Variants in HS6ST3 observed in about 807,000 individuals in gnomAD.
The protein encoded by HS6ST3 is heparan-sulfate 6-O-sulfotransferase 3.
In HS6ST3, 12 loss-of-function variants were observed where a neutral mutation model predicts 36.7. That is an observed-to-expected ratio of 0.33 (90% CI 0.21 to 0.53). The LOEUF is 0.53. Among genes scored for constraint, HS6ST3 ranks in the 20% least tolerant of loss-of-function variants. HS6ST3 has a pLI of 0.95. For missense variants in HS6ST3, 584 were observed against 640.9 expected (o/e 0.91, Z 0.96); for synonymous variants, 240 against 257.5 (o/e 0.93, Z 0.65).
intron 1 of HS6ST3, among the ~76,000 whole-genome samples, chr13:96,558,022 A>G (rs2138953191): frequency 6.6e-6 from 1 of 152,314 alleles, no homozygotes; most frequent in Non-Finnish European, 1.5e-5. Context: ...CTGTCCAATT[A>G]TCATCAATAG....
chr13:96,220,990 A>G (rs2054452222), intron 1 of HS6ST3, among the ~76,000 whole-genome samples: 1 of 152,214 alleles, frequency 6.6e-6, no homozygotes, highest in African/African-American at 2.4e-5. Context: ...TTAAAAATTG[A>G]ACATCTTAAA....
chr13:96,742,314 A>G (rs1164294215), intron 1 of HS6ST3, among the ~76,000 whole-genome samples: 1 of 152,158 alleles, frequency 6.6e-6, no homozygotes, highest in Non-Finnish European at 1.5e-5. Context: ...ATTAGAAGTA[A>G]TTCCAAATAT....
At chr13:96,482,600 G>T (rs2055895148) in intron 1 of HS6ST3, among the ~76,000 whole-genome samples, 2 of 151,992 alleles carry the variant, frequency 1.3e-5, no homozygotes, top group Non-Finnish European at 2.9e-5. Flanking sequence ...CCTGGGCTGA[G>T]GCAGCTGAAT....
At chr13:96,125,877 C>T (rs1208922140) in intron 1 of HS6ST3, among the ~76,000 whole-genome samples, 1 of 151,516 alleles carries the variant, frequency 6.6e-6, no homozygotes, top group African/African-American at 2.4e-5. Flanking sequence ...TGTGCTGCAC[C>T]CATTAACTCG....
intron 1 of HS6ST3, among the ~76,000 whole-genome samples, chr13:96,345,380 A>G (rs542823620): frequency 1.3e-5 from 2 of 152,158 alleles, no homozygotes; most frequent in Non-Finnish European, 2.9e-5. Flanking sequence ...TAGTGACTGG[A>G]TTAATTTTTA....
chr13:96,607,250 C>T (rs2056442351), intron 1 of HS6ST3, among the ~76,000 whole-genome samples: 1 of 152,110 alleles, frequency 6.6e-6, no homozygotes, highest in Non-Finnish European at 1.5e-5. Context: ...TAGATAATTA[C>T]CACATCTTTC....
intron 1 of HS6ST3, among the ~76,000 whole-genome samples, chr13:96,459,679 A>C (rs2055773004): frequency 6.6e-6 from 1 of 152,164 alleles, no homozygotes; most frequent in Non-Finnish European, 1.5e-5. Context: ...TTCTTGGTAC[A>C]ATTGCATACA....
At chr13:96,516,307 C>G (rs2056072511) in intron 1 of HS6ST3, among the ~76,000 whole-genome samples, 1 of 152,076 alleles carries the variant, frequency 6.6e-6, no homozygotes, top group South Asian at 2.1e-4. Context: ...CTCAAGTGAT[C>G]TGCCCCCAAA....
At chr13:96,491,663 A>G (rs1441630257) in intron 1 of HS6ST3, among the ~76,000 whole-genome samples, 1 of 152,060 alleles carries the variant, frequency 6.6e-6, no homozygotes, top group African/African-American at 2.4e-5. Context: ...CCACCAGGCC[A>G]GTTCTGTTGA....
At chr13:96,641,928 C>T (rs943162039) in intron 1 of HS6ST3, among the ~76,000 whole-genome samples, 1 of 151,024 alleles carries the variant, frequency 6.6e-6, no homozygotes, top group Non-Finnish European at 1.5e-5. Flanking sequence ...TAGCAACAAA[C>T]AAAAAACATT....
intron 1 of HS6ST3, among the ~76,000 whole-genome samples, chr13:96,319,072 A>G (rs192988084): frequency 1.7e-4 from 26 of 152,286 alleles, no homozygotes; most frequent in Admixed American, 5.2e-4. Flanking sequence ...CATTTTCTTC[A>G]GCCAAAAAAG....
intron 1 of HS6ST3, among the ~76,000 whole-genome samples, chr13:96,367,159 A>C (rs536979087): frequency 6.6e-6 from 1 of 152,342 alleles, no homozygotes; most frequent in Admixed American, 6.5e-5. Flanking sequence ...TTTCTCTTGT[A>C]TAACGGAAGA....
At chr13:96,565,555 G>T (rs1280266160) in intron 1 of HS6ST3, among the ~76,000 whole-genome samples, 2 of 152,134 alleles carry the variant, frequency 1.3e-5, no homozygotes, top group African/African-American at 4.8e-5. Flanking sequence ...AAGGTGGCAT[G>T]GGAGAGATGG....
chr13:96,836,322 A>T lies in HS6ST3; in HGVS notation c.*3124A>T, dbSNP rs1418762523. 1 of 152,164 alleles carries T rather than the reference A, an allele frequency of 6.6e-6. No homozygotes were observed. The highest frequency in any genetic ancestry group is 1.5e-5 in the Non-Finnish European group (1 of 68,032). The allele number at this position is 152,164 out of a possible 1,614,324, so 9.4% of individuals were successfully genotyped here. A position where few individuals can be genotyped will look rare whatever the true frequency, so the allele number is the denominator to read the frequency against. On this transcript the variant is annotated 3_prime_UTR_variant, in exon 2 of 2. Coordinates refer to ENST00000376705, the MANE Select transcript of HS6ST3 (RefSeq NM_153456.4). ...ATTAGGATGAGACAACTTTGTGTAT[A>T]TGTGCACGTGTGTGGTGTGTGTGTG...
At chr13:96,388,009 G>T (rs1299455727) in intron 1 of HS6ST3, among the ~76,000 whole-genome samples, 1 of 152,276 alleles carries the variant, frequency 6.6e-6, no homozygotes. Context: ...CAACGATTTG[G>T]CCAACTTTGA....
chr13:96,147,728 G>T (rs1006121529), intron 1 of HS6ST3, among the ~76,000 whole-genome samples: 1 of 152,290 alleles, frequency 6.6e-6, no homozygotes, highest in Non-Finnish European at 1.5e-5. Context: ...TGAGCTGCAG[G>T]GAGAGACTCT....
At chr13:96,544,989 T>C (rs1180708200) in intron 1 of HS6ST3, among the ~76,000 whole-genome samples, 5 of 152,172 alleles carry the variant, frequency 3.3e-5, no homozygotes, top group African/African-American at 1.2e-4. Context: ...ATTAGTATTG[T>C]AGAGGGAATC....
intron 1 of HS6ST3, among the ~76,000 whole-genome samples, chr13:96,358,007 G>A (rs1030178797): frequency 2.0e-5 from 3 of 152,028 alleles, no homozygotes; most frequent in East Asian, 1.9e-4. Context: ...AAAATGATGC[G>A]AATAGATTTA....
intron 1 of HS6ST3, among the ~76,000 whole-genome samples, chr13:96,822,374 G>A (rs1371909895): frequency 6.6e-6 from 1 of 152,128 alleles, no homozygotes; most frequent in Non-Finnish European, 1.5e-5. Flanking sequence ...ACCCTCCCTG[G>A]CACATTTGAA....
Sources: gnomAD v4.1 joint callset for allele counts (sites outside exome capture counted in the v4.1 genomes callset) on GRCh38, gnomAD v4.1.1 for gene constraint, MANE v1.5 for transcripts, NCBI Gene and HGNC (gene_info 2026-07-23, HGNC 2026-07-21) for gene names.